The following ZMYM2 variants were observed in gnomAD, a reference collection of about 807,000 sequenced individuals.
The protein encoded by ZMYM2 is zinc finger MYM-type protein 2.
A neutral mutation model predicts 162.8 loss-of-function variants in ZMYM2; 56 were observed. That is an observed-to-expected ratio of 0.34 (90% CI 0.28 to 0.43). The LOEUF (loss-of-function observed/expected upper bound fraction) is 0.43. Ranked by LOEUF, ZMYM2 falls within the 20% of genes least tolerant of loss-of-function variation. The pLI, the probability that ZMYM2 is intolerant of heterozygous loss-of-function variation, is 1.00. For synonymous variants in ZMYM2, 510 were observed against 541.6 expected (o/e 0.94, Z 0.81); for missense variants, 1,275 against 1,621.8 (o/e 0.79, Z 3.67).
chr13:19,909,535 C>T, the ZMYM2 span, among the ~76,000 whole-genome samples: 5 of 150,150 alleles, frequency 3.3e-5, no homozygotes, highest in Admixed American at 6.7e-5. Flanking sequence ...CAGTTTCAAG[C>T]GATTCTCCCG....
At chr13:20,022,041 C>T (rs1229976459) in intron 7 of ZMYM2, among the ~76,000 whole-genome samples, 1 of 152,108 alleles carries the variant, frequency 6.6e-6, no homozygotes, top group Non-Finnish European at 1.5e-5. Context: ...CTTTGGCAGC[C>T]ACAGGACTCA....
At chr13:19,989,230 A>G (rs1257481192) in intron 2 of ZMYM2, among the ~76,000 whole-genome samples, 1 of 152,090 alleles carries the variant, frequency 6.6e-6, no homozygotes, top group Non-Finnish European at 1.5e-5. Context: ...TTAATTTTTA[A>G]TTTTTGTGGG....
At chr13:19,909,582 G>A in the ZMYM2 span, among the ~76,000 whole-genome samples, 4 of 151,874 alleles carry the variant, frequency 2.6e-5, no homozygotes, top group African/African-American at 9.7e-5. Context: ...ACAGGCACGT[G>A]ACACCACACC....
the ZMYM2 span, among the ~76,000 whole-genome samples, chr13:19,866,667 AAACT>A: frequency 4.6e-5 from 7 of 152,200 alleles, no homozygotes; most frequent in Admixed American, 1.3e-4. Flanking sequence ...TCCGTCTCAA[AAACT>A]AACTAAATAA....
At chr13:19,933,231 G>A in the ZMYM2 span, among the ~76,000 whole-genome samples, 1 of 152,160 alleles carries the variant, frequency 6.6e-6, no homozygotes. Flanking sequence ...GATTACAGGT[G>A]AGAACCAAAG....
chr13:19,906,284 GTATATATATATATATATA>G, the ZMYM2 span, among the ~76,000 whole-genome samples: 398 of 63,790 alleles, frequency 6.2e-3, 12 homozygotes, highest in East Asian at 0.016. Context: ...TCAAAAAAAA[GTATATATATATATATATA>G]TATATATATA....
chr13:20,080,521 GGTCT>G (rs1363168089), intron 21 of ZMYM2, among the ~76,000 whole-genome samples: 10 of 150,974 alleles, frequency 6.6e-5, no homozygotes, highest in Non-Finnish European at 1.2e-4. Context: ...ACTGGGCCTC[GGTCT>G]GTCCCAGGCT....
intron 21 of ZMYM2, among the ~76,000 whole-genome samples, chr13:20,068,540 CAAT>C (rs1956848784): frequency 2.0e-5 from 3 of 152,040 alleles, no homozygotes; most frequent in South Asian, 2.1e-4. Flanking sequence ...AAAATCCAAA[CAAT>C]GATGAATTCC....
At position 20,088,461 on chromosome 13, in the gene ZMYM2, T is replaced by C. The variant is rs972301830; in HGVS notation, c.*2447T>C. 5.0e-6 allele frequency: 1 copy of C among 200,478 alleles called. No individual in the cohort carries two copies. Among genetic ancestry groups the C allele is most frequent in the African/African-American group, 2.3e-5 (1 of 43,558 alleles). The allele number at this position is 200,478 out of a possible 1,614,324, so 12.4% of individuals were successfully genotyped here. On this transcript the variant is annotated 3_prime_UTR_variant, in exon 25 of 25. Transcript: ENST00000610343. ...GATGCTATATTTTTCTGTTCTGTTT[T>C]CTGAAGATTTTGCCATTTAAAATGA...
intron 2 of ZMYM2, among the ~76,000 whole-genome samples, chr13:19,978,414 G>A (rs993492617): frequency 6.6e-6 from 1 of 151,268 alleles, no homozygotes; most frequent in African/African-American, 2.4e-5. Flanking sequence ...TAAAATTACT[G>A]TTTTTTGGGT....
At chr13:19,954,717 G>A (rs1047428943), upstream of ZMYM2, among the ~76,000 whole-genome samples, 8 of 152,014 alleles carry the variant, frequency 5.3e-5, no homozygotes, top group African/African-American at 1.9e-4. Flanking sequence ...GGAGTACTAT[G>A]TTTATATATC....
the ZMYM2 span, among the ~76,000 whole-genome samples, chr13:19,900,302 A>G: frequency 6.6e-6 from 1 of 152,194 alleles, no homozygotes; most frequent in South Asian, 2.1e-4. Flanking sequence ...GACTGTCTCA[A>G]AAACAAAAAC....
the ZMYM2 span, among the ~76,000 whole-genome samples, chr13:19,929,090 T>G: frequency 1.3e-5 from 2 of 152,258 alleles, no homozygotes; most frequent in Non-Finnish European, 2.9e-5. Context: ...GAAATATTTT[T>G]GTTATTTATA....
chr13:20,020,442 G>T (rs1351210630), intron 7 of ZMYM2, among the ~76,000 whole-genome samples: 2 of 151,976 alleles, frequency 1.3e-5, no homozygotes, highest in Non-Finnish European at 2.9e-5. Flanking sequence ...CTCCATGTCG[G>T]TCAGGCTCCT....
the ZMYM2 span, among the ~76,000 whole-genome samples, chr13:19,917,251 C>T: frequency 1.3e-5 from 2 of 151,924 alleles, no homozygotes; most frequent in South Asian, 2.1e-4. Context: ...CATGAGCCAC[C>T]ACGCCCGGCT....
intron 2 of ZMYM2, among the ~76,000 whole-genome samples, chr13:19,960,680 G>T (rs1047711388): frequency 6.6e-6 from 1 of 152,112 alleles, no homozygotes; most frequent in East Asian, 1.9e-4. Flanking sequence ...GATCATTTTT[G>T]AATGTGTTAC....
chr13:19,899,542 G>T, the ZMYM2 span, among the ~76,000 whole-genome samples: 1 of 151,992 alleles, frequency 6.6e-6, no homozygotes, highest in Admixed American at 6.6e-5. Flanking sequence ...GAAAGGCTGG[G>T]CTCGGTGACT....
At chr13:19,980,991 G>T (rs1360286339) in intron 2 of ZMYM2, among the ~76,000 whole-genome samples, 1 of 152,084 alleles carries the variant, frequency 6.6e-6, no homozygotes, top group Non-Finnish European at 1.5e-5. Flanking sequence ...CATATTTGAG[G>T]CCGGGCATGG....
At chr13:19,958,325 C>A (rs931266418), upstream of ZMYM2, among the ~76,000 whole-genome samples, 1 of 152,120 alleles carries the variant, frequency 6.6e-6, no homozygotes, top group African/African-American at 2.4e-5. Flanking sequence ...GGCGCCCGGG[C>A]TCGGGCGAGG....
Sources: gnomAD v4.1 joint callset for allele counts (sites outside exome capture counted in the v4.1 genomes callset) on GRCh38, gnomAD v4.1.1 for gene constraint, MANE v1.5 for transcripts, NCBI Gene and HGNC (gene_info 2026-07-23, HGNC 2026-07-21) for gene names.